The following PGCKA1 variants were observed in gnomAD, a reference collection of about 807,000 sequenced individuals.
PGCKA1 encodes the protein PDCD10 and GCKIII kinases associated 1.
chr4:37,585,407 GTTGAGGGAGGGGAGGGTAGAGGAGAGGTA>G, the PGCKA1 span, among the ~76,000 whole-genome samples: 28 of 52,692 alleles, frequency 5.3e-4, 11 homozygotes, highest in Non-Finnish European at 8.3e-4. Context: ...GAGGAGAGGT[GTTGAGGGAGGGGAGGGTAGAGGAGAGGTA>G]TTGAGGGAGG....
chr4:37,460,769 C>T, the PGCKA1 span: 3 of 322,434 alleles, frequency 9.3e-6, no homozygotes, highest in East Asian at 2.0e-4. Flanking sequence ...CAAAAATTTT[C>T]CTCCATTCTA....
the PGCKA1 span, among the ~76,000 whole-genome samples, chr4:37,491,620 C>T: frequency 6.6e-6 from 1 of 152,054 alleles, no homozygotes; most frequent in Non-Finnish European, 1.5e-5. Context: ...GTATCTTATC[C>T]TATGTTGTAA....
chr4:37,467,634 A>G, the PGCKA1 span, among the ~76,000 whole-genome samples: 1 of 152,358 alleles, frequency 6.6e-6, no homozygotes, highest in Non-Finnish European at 1.5e-5. Flanking sequence ...ATTAAGAGCA[A>G]GACCAAGACT....
At chr4:37,488,420 A>C in the PGCKA1 span, among the ~76,000 whole-genome samples, 1 of 152,122 alleles carries the variant, frequency 6.6e-6, no homozygotes, top group South Asian at 2.1e-4. Context: ...CAACAACAAC[A>C]AAAAAACCCA....
chr4:37,464,532 T>C, the PGCKA1 span, among the ~76,000 whole-genome samples: 31 of 152,188 alleles, frequency 2.0e-4, no homozygotes, highest in Admixed American at 6.5e-5. Flanking sequence ...CCTCCCATTT[T>C]CTCAAATGTA....
chr4:37,462,311 G>A, the PGCKA1 span, among the ~76,000 whole-genome samples: 1 of 152,216 alleles, frequency 6.6e-6, no homozygotes, highest in Non-Finnish European at 1.5e-5. Context: ...CAGACTTGGA[G>A]ATGTGATTCA....
the PGCKA1 span, among the ~76,000 whole-genome samples, chr4:37,568,985 T>C: frequency 1.3e-5 from 2 of 151,628 alleles, no homozygotes; most frequent in African/African-American, 4.8e-5. Flanking sequence ...TAGTTGCAGC[T>C]ACTCAGGAGG....
the PGCKA1 span, among the ~76,000 whole-genome samples, chr4:37,564,975 CACACACACAG>C: frequency 1.4e-5 from 2 of 147,642 alleles, no homozygotes; most frequent in African/African-American, 5.4e-5. Flanking sequence ...CACGTACACA[CACACACACAG>C]ACACACACAC....
chr4:37,577,119 C>T, the PGCKA1 span, among the ~76,000 whole-genome samples: 5 of 151,828 alleles, frequency 3.3e-5, no homozygotes, highest in African/African-American at 1.2e-4. Flanking sequence ...GAAAATATTC[C>T]CTCCTCCTCT....
the PGCKA1 span, among the ~76,000 whole-genome samples, chr4:37,586,855 A>G: frequency 5.3e-5 from 8 of 152,228 alleles, no homozygotes; most frequent in African/African-American, 1.9e-4. Context: ...GGTTGCAGCG[A>G]GCCGAGATTG....
At chr4:37,474,709 A>G in the PGCKA1 span, among the ~76,000 whole-genome samples, 1 of 152,166 alleles carries the variant, frequency 6.6e-6, no homozygotes, top group Admixed American at 6.5e-5. Context: ...TTGGGCTCAG[A>G]GAAGTTAAGT....
the PGCKA1 span, among the ~76,000 whole-genome samples, chr4:37,592,336 C>A: frequency 7.5e-6 from 1 of 133,984 alleles, no homozygotes. Flanking sequence ...GGCAATTTAG[C>A]GAGACCCCAT....
chr4:37,586,134 C>A, the PGCKA1 span, among the ~76,000 whole-genome samples: 3 of 151,908 alleles, frequency 2.0e-5, no homozygotes, highest in Non-Finnish European at 2.9e-5. Context: ...TGACCCCCAG[C>A]AACACTATAT....
At chr4:37,482,910 A>G in the PGCKA1 span, among the ~76,000 whole-genome samples, 193 of 152,284 alleles carry the variant, frequency 1.3e-3, 4 homozygotes, top group East Asian at 0.031. Flanking sequence ...TTGAGGGACT[A>G]TTGGAAAGGC....
the PGCKA1 span, among the ~76,000 whole-genome samples, chr4:37,565,029 T>G: frequency 6.6e-6 from 1 of 152,102 alleles, no homozygotes; most frequent in Non-Finnish European, 1.5e-5. Flanking sequence ...ACATCTTGTC[T>G]GCTCCAAACA....
At chr4:37,467,821 C>T in the PGCKA1 span, among the ~76,000 whole-genome samples, 106 of 152,300 alleles carry the variant, frequency 7.0e-4, no homozygotes, top group Non-Finnish European at 1.3e-3. Flanking sequence ...TCCAGTATCA[C>T]GTTCATGCAT....
the PGCKA1 span, among the ~76,000 whole-genome samples, chr4:37,558,541 C>T: frequency 6.6e-6 from 1 of 151,976 alleles, no homozygotes; most frequent in East Asian, 1.9e-4. Context: ...TGGGCAAGGA[C>T]TTCATGTCTA....
the PGCKA1 span, among the ~76,000 whole-genome samples, chr4:37,509,752 G>A: frequency 1.3e-5 from 2 of 151,536 alleles, no homozygotes; most frequent in African/African-American, 2.4e-5. Context: ...CTCGTGGTTA[G>A]GAGCTGAAGA....
the PGCKA1 span, among the ~76,000 whole-genome samples, chr4:37,504,576 T>TTG: frequency 6.6e-6 from 1 of 152,180 alleles, no homozygotes; most frequent in South Asian, 2.1e-4. Flanking sequence ...CCTTTCCATT[T>TTG]TGTGTGTGTG....
Sources: gnomAD v4.1 joint callset for allele counts (sites outside exome capture counted in the v4.1 genomes callset) on GRCh38, gnomAD v4.1.1 for gene constraint, MANE v1.5 for transcripts, NCBI Gene and HGNC (gene_info 2026-07-23, HGNC 2026-07-21) for gene names.